Variants in PLEKHH1 observed in about 807,000 individuals in gnomAD.
PLEKHH1 encodes pleckstrin homology domain-containing family H member 1.
PLEKHH1 carries 104 observed loss-of-function variants against 160.0 expected under a neutral mutation model. The observed-to-expected ratio is 0.65, with a 90% CI of 0.55 to 0.76. The LOEUF (loss-of-function observed/expected upper bound fraction) is 0.76. Among genes scored for constraint, PLEKHH1 ranks in the 30% least tolerant of loss-of-function variants. The pLI, the probability that PLEKHH1 is intolerant of heterozygous loss-of-function variation, is 0.00. For synonymous variants in PLEKHH1, 619 were observed against 678.4 expected (o/e 0.91, Z 1.36); for missense variants, 1,427 against 1,724.1 (o/e 0.83, Z 3.05).
In PLEKHH1 at chr14:67,573,901, T is replaced by G; in HGVS notation, c.1926+14T>G. The G allele has an allele frequency of 1.9e-6, 3 of 1,587,676 alleles. No individual in the cohort carries two copies. Among genetic ancestry groups the G allele is most frequent in the Non-Finnish European group, 2.6e-6 (3 of 1,155,828 alleles). On this transcript the variant is annotated intron_variant, in intron 13 of 28. Transcript: ENST00000329153. The surrounding 1 kb of genome is among the most constrained non-coding windows in gnomAD (Gnocchi z 4.8). ...CAGACGTTTCAGGTGAGCACGCTCC[T>G]GGCTGCTAGTATTTTAAACAGAAGA...
chr14:67,565,719 G>C (rs138892899), intron 7 of PLEKHH1, among the ~76,000 whole-genome samples: 1 of 152,330 alleles, frequency 6.6e-6, no homozygotes, highest in East Asian at 1.9e-4. Flanking sequence ...GGCAGCAGGA[G>C]GAATGAGGTC....
intron 5 of PLEKHH1, among the ~76,000 whole-genome samples, chr14:67,561,332 C>T (rs1210485307): frequency 4.6e-5 from 7 of 152,156 alleles, no homozygotes; most frequent in Non-Finnish European, 1.5e-5. Context: ...GGGTGGATTG[C>T]TCGACACTAG....
chr14:67,558,020 C>T (rs1036697992), intron 4 of PLEKHH1, among the ~76,000 whole-genome samples: 1 of 152,228 alleles, frequency 6.6e-6, no homozygotes, highest in Non-Finnish European at 1.5e-5. Context: ...CCAGGGTCTT[C>T]CCTTCTGAGC....
Position 67,587,435 on chromosome 14 carries a change from C to T in PLEKHH1, c.*200C>T. The T allele has an allele frequency of 1.6e-6, 1 of 623,320 alleles. No homozygotes were observed. The highest frequency in any genetic ancestry group is 2.8e-6 in the Non-Finnish European group (1 of 354,588). 38.6% of individuals were successfully genotyped at this position (623,320 alleles called of 1,614,324 possible). Reference sequence around the variant, plus strand: ...AGGGCTCAACTTTTTAAAATCCAGACCCAGTGTTAAAACCATTTATTCCTT... The same window carrying T: ...AGGGCTCAACTTTTTAAAATCCAGATCCAGTGTTAAAACCATTTATTCCTT... On this transcript the variant is annotated 3_prime_UTR_variant, in exon 29 of 29. Transcript: ENST00000329153.
Position 67,586,013 on chromosome 14 carries a change from C to A in PLEKHH1, c.3849C>A (p.Phe1283Leu), listed in dbSNP as rs912145059. The A allele has an allele frequency of 9.9e-6, 16 of 1,613,798 alleles. No homozygotes were observed. The highest frequency in any genetic ancestry group is 1.4e-5 in the Non-Finnish European group (16 of 1,179,820). ...VTTFGGCRDD[F>L]MLVIRSIPDK... ...CGTTTGGTGGCTGCAGGGATGACTT[C>A]ATGCTTGTGATTAGATCTATCCCAG... The change falls in exon 28 of 29, where the codon TTC becomes TTA. Residue 1283 changes from phenylalanine to leucine, a missense_variant. By Grantham distance (22) the Phe-to-Leu change is conservative. Coordinates refer to ENST00000329153, the MANE Select transcript of PLEKHH1 (RefSeq NM_020715.3).
At position 67,575,850 on chromosome 14, in the gene PLEKHH1, G is replaced by A. The variant is rs1273142626; in HGVS notation, c.2197G>A (p.Asp733Asn). ...KRPLGCLPVR[D>N]AHIEEVDRSC... The stretch of plus-strand genomic sequence containing the variant: ...ACCCCTGGGCTGCCTGCCTGTGCGG[G>A]ATGCGCACATAGAGGAAGTAGATCG... Residue 733 changes from aspartate to asparagine, a missense_variant, in exon 16 of 29, where the codon GAT (aspartate) becomes AAT (asparagine). Transcript: ENST00000329153. 6.2e-7 allele frequency: 1 copy of A among 1,613,858 alleles called. No individual in the cohort carries two copies. Among genetic ancestry groups the A allele is most frequent in the Admixed American group, 1.7e-5 (1 of 60,006 alleles).
In PLEKHH1 at chr14:67,562,035, G is replaced by A; in HGVS notation, c.505G>A (p.Ala169Thr). 6.2e-7 allele frequency: 1 copy of A among 1,613,670 alleles called. No homozygotes were observed. Among genetic ancestry groups the A allele is most frequent in the Non-Finnish European group, 8.5e-7 (1 of 1,179,578 alleles). Residue 169 changes from alanine (A) to threonine (T), a missense_variant and splice_region_variant, in exon 6 of 29, where the codon GCT (alanine) becomes ACT (threonine). Around this residue, in one of 6 missense-constraint regions of PLEKHH1, gnomAD observed 831 missense variants for 929.2 expected, o/e 0.89. Transcript: ENST00000329153. ...QVGSLQDALE[A>T]IQIAPSRKLL... is the part of the protein sequence containing the mutation. ...GGGATCCCTTCAAGATGCGCTAGAA[G>A]GTAGGCAGGCCAGGGTGTGCAGGTG...
chr14:67,551,542 CAGTG>C (rs1283225534), intron 2 of PLEKHH1, among the ~76,000 whole-genome samples: 3 of 152,114 alleles, frequency 2.0e-5, no homozygotes, highest in Non-Finnish European at 4.4e-5. Context: ...GTGGTGGAGT[CAGTG>C]AGGTTCCACT....
chr14:67,559,583 A>G (rs1478880992), intron 4 of PLEKHH1, 25 bp from the exon 5 acceptor site: 4 of 1,518,124 alleles, frequency 2.6e-6, no homozygotes, highest in Non-Finnish European at 3.6e-6. Context: ...GTTGGGATTA[A>G]CGGAAGGCCC....
intron 1 of PLEKHH1, among the ~76,000 whole-genome samples, chr14:67,536,206 A>G (rs2033710114): frequency 6.6e-6 from 1 of 151,898 alleles, no homozygotes; most frequent in Admixed American, 6.5e-5. Flanking sequence ...GTGGAATGTC[A>G]TGTAGGCACC....
Position 67,562,720 on chromosome 14 carries a change from G to A in PLEKHH1, c.1089G>A (p.Glu363=). 1.9e-6 allele frequency: 3 copies of A among 1,613,446 alleles called. No individual in the cohort carries two copies. The highest frequency in any genetic ancestry group is 2.5e-6 in the Non-Finnish European group (3 of 1,179,698). ...FSALHPSGLP[E]LESRARSREE... is the part of the protein sequence containing the mutation. ...CCCTCCACCCCTCTGGCCTTCCTGA[G>A]CTGGAGTCCCGAGCTAGGTCCCGGG... Residue 363 remains glutamate (E), a synonymous_variant, in exon 7 of 29, where the codon GAG becomes GAA. Transcript: ENST00000329153.
chr14:67,559,555 G>T (rs755088998), intron 4 of PLEKHH1, 53 bp from the exon 5 acceptor site: 10 of 1,299,114 alleles, frequency 7.7e-6, no homozygotes, highest in Non-Finnish European at 1.1e-5. Context: ...CCTCCAGTCA[G>T]TCACTCTCCT....
chr14:67,562,918 G>A, intron 7 of PLEKHH1, 24 bp downstream of exon 7: 1 of 1,599,174 alleles, frequency 6.3e-7, no homozygotes, highest in Non-Finnish European at 8.5e-7. Context: ...TCCGGGCTGG[G>A]CAGAGGAGCA....
chr14:67,537,599 G>A (rs1241706370), intron 1 of PLEKHH1, among the ~76,000 whole-genome samples: 1 of 151,886 alleles, frequency 6.6e-6, no homozygotes, highest in African/African-American at 2.4e-5. Context: ...TGGGAAAGTT[G>A]TGGCTTCAGT....
chr14:67,587,226 G>T lies in PLEKHH1; in HGVS notation c.4086G>T (p.Thr1362=). 6.2e-7 allele frequency: 1 copy of T among 1,613,682 alleles called. No homozygotes were observed. Among genetic ancestry groups the T allele is most frequent in the Non-Finnish European group, 8.5e-7 (1 of 1,179,736 alleles). Residue 1362 remains threonine (T), a synonymous_variant, in exon 29 of 29, where the codon ACG becomes ACT. Transcript: ENST00000329153. The part of the protein sequence containing the change: ...SSVSCATKGP[T]LL ...TTTCCTGTGCTACCAAGGGGCCAAC[G>T]TTGCTGTGAATATTTCTCCTACCCG...
In PLEKHH1 at chr14:67,575,385, C is replaced by T; in HGVS notation, c.2089-7C>T. 1 of 1,581,470 alleles carries T rather than the reference C, an allele frequency of 6.3e-7. No homozygotes were observed. The highest frequency in any genetic ancestry group is 8.7e-7 in the Non-Finnish European group (1 of 1,155,128). On this transcript the variant is annotated splice_region_variant and splice_polypyrimidine_tract_variant and intron_variant, in intron 14 of 28. Transcript: ENST00000329153. ...TCTCATAATGCCAGTTCATTTCTGT[C>T]TTACAGGTAAAGCATGGCCACTCCA...
chr14:67,559,722 C>T lies in PLEKHH1; in HGVS notation c.423+31C>T. On this transcript the variant is annotated intron_variant, in intron 5 of 28. Transcript: ENST00000329153. ...TTGGAAACTCATCTTGGAGGCCTGC[C>T]AGAGGCATGGCTGGGCCTGCCCTGA... The T allele has an allele frequency of 3.4e-6, 5 of 1,471,450 alleles. 1 individual carries two copies. In the South Asian group the frequency reaches 4.8e-5, roughly 14 times the overall value. 91.1% of individuals were successfully genotyped at this position (1,471,450 alleles called of 1,614,324 possible).
rs1249855380 is a variant in PLEKHH1 at position 67,582,891 on chromosome 14, T to G, written c.3426+681T>G. On this transcript the variant is annotated intron_variant, in intron 24 of 28. Coordinates refer to ENST00000329153, the MANE Select transcript of PLEKHH1 (RefSeq NM_020715.3). The surrounding 1 kb of genome is among the most constrained non-coding windows in gnomAD (Gnocchi z 5.0). ...AAAACCTCTGCCAGCCTCCACAGGG[T>G]TGTACTAAGTATGATACCTGGATAA... is the stretch of plus-strand genomic sequence containing the variant. 6.6e-6 allele frequency among the ~76,000 whole-genome samples: 1 copy of G among 151,968 alleles called. No individual in the cohort carries two copies. Among genetic ancestry groups the G allele is most frequent in the African/African-American group, 2.4e-5 (1 of 41,374 alleles).
intron 1 of PLEKHH1, among the ~76,000 whole-genome samples, chr14:67,534,450 G>A (rs929321957): frequency 6.6e-6 from 1 of 152,146 alleles, no homozygotes; most frequent in African/African-American, 2.4e-5. Flanking sequence ...GCTGGGTGTG[G>A]TGGTGTGGGC....
Sources: allele counts gnomAD v4.1 joint callset (sites outside exome capture counted in the v4.1 genomes callset), GRCh38; gene constraint gnomAD v4.1.1; regional missense constraint gnomAD v4.1.1; non-coding constraint Gnocchi (gnomAD v3.1); transcripts MANE v1.5; gene names NCBI Gene and HGNC (gene_info 2026-07-23, HGNC 2026-07-21).